Variants in CX3CR1 observed in about 807,000 individuals in gnomAD.
CX3CR1 encodes the protein CX3C chemokine receptor 1.
For synonymous variants in CX3CR1, 168 were observed against 178.5 expected (o/e 0.94, Z 0.47); for missense variants, 363 against 432.4 (o/e 0.84, Z 1.42).
rs149456270 is a variant in CX3CR1 at position 39,266,003 on chromosome 3, C to T, written c.507G>A (p.Lys169=). ...CACCAAGGCATTCATTTTCTTTCTG[C>T]TTTGTGAACATGAACTGGGGTGCTG... ...LVAAPQFMFT[K]QKENECLGDY... Residue 169 remains lysine (K), a synonymous_variant, in exon 2 of 2, where the codon AAG becomes AAA. Transcript: ENST00000399220. 6.2e-7 allele frequency: 1 copy of T among 1,614,196 alleles called. No individual in the cohort carries two copies. Among genetic ancestry groups the T allele is most frequent in the East Asian group, 2.2e-5 (1 of 44,888 alleles).
chr3:39,283,799 A>T (rs1417447558), upstream of CX3CR1, among the ~76,000 whole-genome samples: 3 of 30,108 alleles, frequency 1.0e-4, no homozygotes, highest in African/African-American at 3.7e-4. Context: ...AAAAAATTAT[A>T]TATATATATA....
In CX3CR1 at chr3:39,263,977, A is replaced by G. The variant is rs2040657004; in HGVS notation, c.*1465T>C. 6.6e-6 allele frequency: 1 copy of G among 152,244 alleles called. No homozygotes were observed. Among genetic ancestry groups the G allele is most frequent in the Admixed American group, 6.5e-5 (1 of 15,286 alleles). 9.4% of individuals were successfully genotyped at this position (152,244 alleles called of 1,614,324 possible). A position where few individuals can be genotyped will look rare whatever the true frequency, so the allele number is the denominator to read the frequency against. On this transcript the variant is annotated 3_prime_UTR_variant, in exon 2 of 2. Transcript: ENST00000399220. Reference sequence around the variant, plus strand: ...TGTTCCAAACGTTTCTAGGGGGGAAAAAAAAGCTGCTCCCATAGCCCTGGC... The same window carrying G: ...TGTTCCAAACGTTTCTAGGGGGGAAGAAAAAGCTGCTCCCATAGCCCTGGC...
chr3:39,291,427 T>G, the CX3CR1 span, among the ~76,000 whole-genome samples: 1 of 151,908 alleles, frequency 6.6e-6, no homozygotes, highest in Non-Finnish European at 1.5e-5. Flanking sequence ...TGACCATACA[T>G]GTGACCATAC....
chr3:39,270,892 A>G (rs1356384720), intron 1 of CX3CR1, among the ~76,000 whole-genome samples: 2 of 152,232 alleles, frequency 1.3e-5, no homozygotes, highest in African/African-American at 4.8e-5. Flanking sequence ...AATAACAAGC[A>G]TGCTGCACAT....
At position 39,266,368 on chromosome 3, in the gene CX3CR1, C is replaced by T. The variant is rs2040700438; in HGVS notation, c.142G>A (p.Gly48Arg). ...AGGGCAAACACTACCAACAAATTTCCCACCAGGCCAATGGCAAAGATGACG... is the reference window on the plus strand; with the variant it reads ...AGGGCAAACACTACCAACAAATTTCTCACCAGGCCAATGGCAAAGATGACG... ...YSVIFAIGLV[G>R]NLLVVFALTN... Residue 48 changes from glycine (G) to arginine (R), a missense_variant, in exon 2 of 2, where the codon GGA becomes AGA. By Grantham distance (125) the Gly-to-Arg change is moderately radical. Coordinates refer to ENST00000399220, the MANE Select transcript of CX3CR1 (RefSeq NM_001337.4). 1 of 1,614,032 alleles carries T rather than the reference C, an allele frequency of 6.2e-7. No individual in the cohort carries two copies. Among genetic ancestry groups the T allele is most frequent in the Admixed American group, 1.7e-5 (1 of 60,000 alleles).
chr3:39,276,114 ATGG>A (rs781673162), intron 1 of CX3CR1, among the ~76,000 whole-genome samples: 2 of 152,166 alleles, frequency 1.3e-5, no homozygotes, highest in Non-Finnish European at 2.9e-5. Flanking sequence ...GGCAGTGAAG[ATGG>A]TGGAGTTGGG....
At chr3:39,267,727 G>A (rs192788112) in intron 1 of CX3CR1, among the ~76,000 whole-genome samples, 1 of 152,316 alleles carries the variant, frequency 6.6e-6, no homozygotes, top group Admixed American at 6.5e-5. Flanking sequence ...TAGTCTCCGG[G>A]TGACTAATTC....
At chr3:39,278,436 G>A (rs993476595) in intron 1 of CX3CR1, among the ~76,000 whole-genome samples, 3 of 152,052 alleles carry the variant, frequency 2.0e-5, no homozygotes, top group Non-Finnish European at 2.9e-5. Flanking sequence ...AACCCACAGT[G>A]GTCCTCAAGG....
At position 39,265,592 on chromosome 3, in the gene CX3CR1, G is replaced by A; in HGVS notation, c.918C>T (p.His306=). The A allele has an allele frequency of 1.9e-6, 3 of 1,614,210 alleles. No individual in the cohort carries two copies. Among genetic ancestry groups the A allele is most frequent in the South Asian group, 1.1e-5 (1 of 91,082 alleles). Residue 306 remains histidine, a synonymous_variant, in exon 2 of 2, where the codon CAC becomes CAT. Coordinates refer to ENST00000399220, the MANE Select transcript of CX3CR1 (RefSeq NM_001337.4). ...GGACAGCCAGGCATTTCCCATACAG[G>A]TGGTAAAGGTATCTTCTGAACTTCT... ...AGEKFRRYLY[H]LYGKCLAVLC...
chr3:39,290,741 G>A, the CX3CR1 span, among the ~76,000 whole-genome samples: 1 of 152,082 alleles, frequency 6.6e-6, no homozygotes, highest in African/African-American at 2.4e-5. Flanking sequence ...CCAACATAGT[G>A]AAACCTCGTC....
At chr3:39,284,916 T>C (rs562904294), upstream of CX3CR1, among the ~76,000 whole-genome samples, 1 of 152,244 alleles carries the variant, frequency 6.6e-6, no homozygotes, top group African/African-American at 2.4e-5. Context: ...ACCAGACACG[T>C]TGAGGGTCAA....
chr3:39,292,800 A>G, the CX3CR1 span, among the ~76,000 whole-genome samples: 5 of 152,318 alleles, frequency 3.3e-5, no homozygotes, highest in Admixed American at 3.3e-4. Context: ...ACCACACTGT[A>G]CTTAACAAGT....
intron 1 of CX3CR1, among the ~76,000 whole-genome samples, chr3:39,274,581 A>G (rs2040818566): frequency 6.7e-6 from 1 of 149,834 alleles, no homozygotes; most frequent in Non-Finnish European, 1.5e-5. Flanking sequence ...TTGAAGCCCC[A>G]CCCTTCCCTT....
At chr3:39,273,013 T>C (rs1179417258) in intron 1 of CX3CR1, among the ~76,000 whole-genome samples, 1 of 152,230 alleles carries the variant, frequency 6.6e-6, no homozygotes, top group South Asian at 2.1e-4. Context: ...GGTTAACTTG[T>C]TCAAGGAAGC....
At chr3:39,281,731 G>A (rs542866644), upstream of CX3CR1, 24 of 1,490,852 alleles carry the variant, frequency 1.6e-5, no homozygotes, top group South Asian at 1.2e-4. Context: ...AGCACGGCCC[G>A]CCCCTTCTCA....
chr3:39,273,824 C>T (rs570279763), intron 1 of CX3CR1, among the ~76,000 whole-genome samples: 1 of 152,212 alleles, frequency 6.6e-6, no homozygotes, highest in Admixed American at 6.5e-5. Context: ...GATATGGGGT[C>T]TTACTATGTT....
chr3:39,266,819 G>A (rs540896833), intron 1 of CX3CR1, among the ~76,000 whole-genome samples: 97 of 151,572 alleles, frequency 6.4e-4, no homozygotes, highest in African/African-American at 2.3e-3. Flanking sequence ...GTCTCGCTGT[G>A]TCACCCAGGC....
chr3:39,269,882 G>A (rs746373871), intron 1 of CX3CR1, among the ~76,000 whole-genome samples: 8 of 152,264 alleles, frequency 5.3e-5, no homozygotes, highest in Non-Finnish European at 1.0e-4. Context: ...AGAGGAAAGA[G>A]CAGTACCAAT....
chr3:39,284,700 C>T, upstream of CX3CR1, among the ~76,000 whole-genome samples: 1 of 152,274 alleles, frequency 6.6e-6, no homozygotes, highest in East Asian at 1.9e-4. Context: ...ACTTTCTAGT[C>T]AGGTATTATT....
Sources: gnomAD v4.1 joint callset for allele counts (sites outside exome capture counted in the v4.1 genomes callset) on GRCh38, gnomAD v4.1.1 for gene constraint, MANE v1.5 for transcripts, NCBI Gene and HGNC (gene_info 2026-07-23, HGNC 2026-07-21) for gene names.